The following CCDC186 variants were observed in gnomAD, a reference collection of about 807,000 sequenced individuals.
CCDC186 encodes coiled-coil domain containing 186.
In CCDC186, 49 loss-of-function variants were observed where a neutral mutation model predicts 113.7. The observed-to-expected ratio is 0.43, with a 90% CI of 0.34 to 0.55. CCDC186 has a LOEUF of 0.55. CCDC186 is among the 20% of genes least tolerant of loss of function. The pLI is 0.02. For synonymous variants in CCDC186, 355 were observed against 345.8 expected (o/e 1.03, Z -0.30); for missense variants, 890 against 1,011.1 (o/e 0.88, Z 1.62).
intron 6 of CCDC186, among the ~76,000 whole-genome samples, chr10:114,141,159 T>G (rs1407887916): frequency 6.6e-6 from 1 of 152,052 alleles, no homozygotes; most frequent in Non-Finnish European, 1.5e-5. Context: ...CCTCCCCAAG[T>G]GCTAGAATTA....
chr10:114,132,004 T>C lies in CCDC186; in HGVS notation c.1836A>G (p.Gln612=), dbSNP rs769174543. 5 of 1,613,310 alleles carry C rather than the reference T, an allele frequency of 3.1e-6. No homozygotes were observed. The highest frequency in any genetic ancestry group is 4.2e-6 in the Non-Finnish European group (5 of 1,179,664). Residue 612 remains glutamine (Q), a synonymous_variant, in exon 11 of 16, where the codon CAA becomes CAG. Coordinates refer to ENST00000369287, the MANE Select transcript of CCDC186 (RefSeq NM_018017.4). ...TTTCACTACAGGAAACTTTATCAAA[T>C]TGTGACTGCAAAGAATTGGATTCAG... ...LQSESNSLQS[Q]FDKVSCSESQ...
intron 6 of CCDC186, among the ~76,000 whole-genome samples, chr10:114,138,106 G>A (rs566001617): frequency 7.8e-6 from 1 of 128,324 alleles, no homozygotes; most frequent in Middle Eastern, 5.0e-3. Flanking sequence ...CAGGCATGGT[G>A]GTGGGCACCT....
Position 114,174,176 on chromosome 10 carries a change from C to A in CCDC186, c.-223G>T, listed in dbSNP as rs1319562257. ...CACTCAGCGGCCGTTTCCCCAAACCCCTGCGGAGCTGACACATCAACAAAG... is the reference window on the plus strand; with the variant it reads ...CACTCAGCGGCCGTTTCCCCAAACCACTGCGGAGCTGACACATCAACAAAG... On this transcript the variant is annotated 5_prime_UTR_variant, in exon 1 of 16. Coordinates refer to ENST00000369287, the MANE Select transcript of CCDC186 (RefSeq NM_018017.4). 1.1e-5 allele frequency: 5 copies of A among 459,366 alleles called. No individual in the cohort carries two copies. The highest frequency in any genetic ancestry group is 2.3e-5 in the Non-Finnish European group (5 of 220,290). The allele number at this position is 459,366 out of a possible 1,614,324, so 28.5% of individuals were successfully genotyped here.
intron 3 of CCDC186, among the ~76,000 whole-genome samples, chr10:114,152,059 G>A (rs1284649283): frequency 1.3e-5 from 2 of 152,176 alleles, no homozygotes. Context: ...AGACGGGAAA[G>A]GAGCCAGGTA....
intron 1 of CCDC186, among the ~76,000 whole-genome samples, chr10:114,168,979 T>C (rs947038428): frequency 6.9e-6 from 1 of 145,646 alleles, no homozygotes; most frequent in Admixed American, 6.9e-5. Flanking sequence ...CATCTATTAA[T>C]ATGTATTCTA....
At chr10:114,155,073 G>T (rs2031970915) in intron 3 of CCDC186, among the ~76,000 whole-genome samples, 1 of 152,196 alleles carries the variant, frequency 6.6e-6, no homozygotes. Context: ...CCTAGGGCAG[G>T]GTTGAGGGAG....
In CCDC186 at chr10:114,121,777, A is replaced by G. The variant is rs73354387; in HGVS notation, c.*3366T>C. The G allele has an allele frequency of 0.25, 37,669 of 151,818 alleles. 5,005 individuals carry two copies. Among genetic ancestry groups the G allele is most frequent in the African/African-American group, 0.33 (13,525 of 41,314 alleles). The allele number at this position is 151,818 out of a possible 1,614,324, so 9.4% of individuals were successfully genotyped here. On this transcript the variant is annotated 3_prime_UTR_variant, in exon 16 of 16. Transcript: ENST00000369287. ...CTGAGATGAGCCACAGAAGCCCAAGATCTGCTCTGATTGTCTCCTAGCTAT... is the reference window on the plus strand; with the variant it reads ...CTGAGATGAGCCACAGAAGCCCAAGGTCTGCTCTGATTGTCTCCTAGCTAT...
intron 6 of CCDC186, among the ~76,000 whole-genome samples, chr10:114,139,161 G>T (rs1221531339): frequency 6.6e-6 from 1 of 150,614 alleles, no homozygotes; most frequent in Non-Finnish European, 1.5e-5. Flanking sequence ...CCTCTAGTTA[G>T]GTTGGGTTCC....
chr10:114,145,818 A>T, intron 4 of CCDC186, 57 bp from the exon 5 acceptor site: 6 of 1,442,846 alleles, frequency 4.2e-6, no homozygotes, highest in Non-Finnish European at 5.6e-6. Context: ...ATGGAAATGT[A>T]TTGAAATACA....
chr10:114,136,274 G>C (rs771219888), intron 7 of CCDC186, 28 bp from the exon 8 acceptor site: 3 of 1,544,094 alleles, frequency 1.9e-6, no homozygotes, highest in Non-Finnish European at 2.7e-6. Flanking sequence ...AAAAAAGTGT[G>C]ACAATTTTTA....
intron 3 of CCDC186, among the ~76,000 whole-genome samples, chr10:114,152,687 CA>C (rs1257897339): frequency 6.6e-6 from 1 of 152,074 alleles, no homozygotes; most frequent in East Asian, 1.9e-4. Flanking sequence ...ATAATCCTAT[CA>C]AAAGGCAGAA....
chr10:114,136,890 G>T (rs529990955), intron 7 of CCDC186, among the ~76,000 whole-genome samples: 62 of 152,216 alleles, frequency 4.1e-4, no homozygotes, highest in African/African-American at 1.3e-3. Context: ...AGACTGAGGC[G>T]GGTGGCTCCC....
In CCDC186 at chr10:114,130,349, A is replaced by C. The variant is rs2031048450; in HGVS notation, c.2102-378T>G. On this transcript the variant is annotated intron_variant, in intron 12 of 15. Coordinates refer to ENST00000369287, the MANE Select transcript of CCDC186 (RefSeq NM_018017.4). ...TATCTGAATATATTTGTATTAAGTA[A>C]ATGCTAAGTCCCTTTTAGCTTATTA... 4 of 164,994 alleles carry C rather than the reference A, an allele frequency of 2.4e-5. No individual in the cohort carries two copies. The South Asian group carries it at 6.1e-4, about 25-fold the overall frequency. The allele number at this position is 164,994 out of a possible 1,614,324, so 10.2% of individuals were successfully genotyped here. A position where few individuals can be genotyped will look rare whatever the true frequency, so the allele number is the denominator to read the frequency against.
chr10:114,154,226 A>G (rs1247031237), intron 3 of CCDC186, among the ~76,000 whole-genome samples: 1 of 150,128 alleles, frequency 6.7e-6, no homozygotes, highest in African/African-American at 2.5e-5. Context: ...AAAAAAAAAA[A>G]AGAAAAGAAA....
chr10:114,134,270 T>A (rs2031186877), intron 10 of CCDC186, among the ~76,000 whole-genome samples: 1 of 152,016 alleles, frequency 6.6e-6, no homozygotes, highest in Admixed American at 6.6e-5. Flanking sequence ...AATGGTAGGG[T>A]TTAGAAAAGA....
intron 3 of CCDC186, among the ~76,000 whole-genome samples, chr10:114,153,516 T>A (rs1270166526): frequency 6.6e-6 from 1 of 151,914 alleles, no homozygotes; most frequent in Non-Finnish European, 1.5e-5. Flanking sequence ...CCAGGCGGGG[T>A]GGCTCAAGCC....
chr10:114,132,521 GT>G (rs2031120551), intron 10 of CCDC186, among the ~76,000 whole-genome samples: 1 of 152,192 alleles, frequency 6.6e-6, no homozygotes, highest in East Asian at 1.9e-4. Context: ...ACCTTTTCCT[GT>G]AAAAGATCAG....
intron 14 of CCDC186, 24 bp downstream of exon 14, chr10:114,127,437 T>A (rs1176217627): frequency 1.2e-6 from 2 of 1,603,120 alleles, no homozygotes; most frequent in East Asian, 2.2e-5. Flanking sequence ...TGAAGACCGA[T>A]CATGCTACCG....
chr10:114,167,936 T>C (rs2032384254), intron 1 of CCDC186, among the ~76,000 whole-genome samples: 1 of 151,970 alleles, frequency 6.6e-6, no homozygotes, highest in Admixed American at 6.6e-5. Context: ...CAATGAGCTA[T>C]GATGGCACCA....
Sources: allele counts gnomAD v4.1 joint callset (sites outside exome capture counted in the v4.1 genomes callset), GRCh38; gene constraint gnomAD v4.1.1; transcripts MANE v1.5; gene names NCBI Gene and HGNC (gene_info 2026-07-23, HGNC 2026-07-21).